MIA3: variants seen among roughly 807,000 people sequenced by gnomAD.
The protein encoded by MIA3 is transport and Golgi organization protein 1 homolog.
A neutral mutation model predicts 192.4 loss-of-function variants in MIA3; 90 were observed. The ratio of observed to expected loss-of-function variants is 0.47; its 90% CI spans 0.39 to 0.56. MIA3 has a LOEUF of 0.56. Among genes scored for constraint, MIA3 ranks in the 20% least tolerant of loss-of-function variants. MIA3 has a pLI of 0.00. For missense variants in MIA3, 2,123 were observed against 2,269.4 expected, an observed-to-expected ratio of 0.94 and a Z score of 1.31; for synonymous variants, 740 against 792.8, an observed-to-expected ratio of 0.93 and a Z score of 1.12.
At chr1:222,624,883 A>C in intron 3 of MIA3, 29 bp downstream of exon 3, 1 of 1,344,974 alleles carries the variant, frequency 7.4e-7, no homozygotes, top group South Asian at 1.2e-5. Flanking sequence ...TCTTGTTCTC[A>C]GTTATAAGTT....
At chr1:222,659,403 G>C (rs1195393859) in intron 19 of MIA3, 50 bp from the exon 20 acceptor site, 3 of 1,533,864 alleles carry the variant, frequency 2.0e-6, no homozygotes, top group Non-Finnish European at 2.7e-6. Flanking sequence ...AGATTGTTTG[G>C]GTTTTTATTC....
intron 27 of MIA3, chr1:222,664,901 G>A: frequency 2.1e-6 from 1 of 466,290 alleles, no homozygotes; most frequent in Non-Finnish European, 4.4e-6. Flanking sequence ...GGCAGGCCAG[G>A]CACAGTGGCT....
At chr1:222,652,759 A>G (rs1006827810) in intron 13 of MIA3, among the ~76,000 whole-genome samples, 1 of 152,206 alleles carries the variant, frequency 6.6e-6, no homozygotes, top group Non-Finnish European at 1.5e-5. Flanking sequence ...CTGGAAGTGA[A>G]TTATTTGAAT....
chr1:222,656,426 T>A (rs974250358), intron 18 of MIA3, among the ~76,000 whole-genome samples: 7 of 152,222 alleles, frequency 4.6e-5, no homozygotes, highest in Admixed American at 1.3e-4. Context: ...CCTCTAGTTT[T>A]AAAGTTTCTT....
chr1:222,638,248 T>C (rs924947673), intron 6 of MIA3, among the ~76,000 whole-genome samples: 16 of 152,190 alleles, frequency 1.1e-4, no homozygotes, highest in Admixed American at 2.0e-4. Flanking sequence ...ATGATTCAAG[T>C]AGTACAAAGT....
In MIA3 at chr1:222,645,565, A is replaced by T; in HGVS notation, c.3489A>T (p.Thr1163=). 6.2e-7 allele frequency: 1 copy of T among 1,610,554 alleles called. No individual in the cohort carries two copies. Among genetic ancestry groups the T allele is most frequent in the Non-Finnish European group, 8.5e-7 (1 of 1,178,172 alleles). The change falls in exon 7 of 28, where the codon ACA becomes ACT. Residue 1163 remains threonine, a synonymous_variant. Transcript: ENST00000344922. ...MFYLTKSLVA[T]LPDDVQPGPD... ...TTTCTAACATTCAGCTAGTTGCTAC[A>T]TTGCCTGATGATGTTCAGCCTGGGC... is the stretch of plus-strand genomic sequence containing the variant.
rs772820768 is a variant in MIA3, at chr1:222,621,163, A to G, written c.138A>G (p.Leu46=). 1 of 1,608,808 alleles carries G rather than the reference A, an allele frequency of 6.2e-7. No homozygotes were observed. The highest frequency in any genetic ancestry group is 1.1e-5 in the South Asian group (1 of 90,202). ...TTTCTCTCTCTTTATATACAGTGTT[A>G]ATGTACCGCGGTGAGGCTCTTGAAG... The part of the protein sequence containing the change: ...KLCADDECSM[L]MYRGEALEDF... The change falls in exon 2 of 28, where the codon TTA becomes TTG. Residue 46 remains leucine (L), a synonymous_variant. Coordinates refer to ENST00000344922, the MANE Select transcript of MIA3 (RefSeq NM_198551.4).
chr1:222,623,284 T>G (rs1661961015), intron 2 of MIA3, among the ~76,000 whole-genome samples: 1 of 151,066 alleles, frequency 6.6e-6, no homozygotes, highest in Admixed American at 6.6e-5. Flanking sequence ...TTTTTTTTGT[T>G]TTTTTTTTGG....
At chr1:222,641,748 C>T in intron 6 of MIA3, 1 of 559,396 alleles carries the variant, frequency 1.8e-6, no homozygotes, top group Non-Finnish European at 3.6e-6. Context: ...CATACTTGGT[C>T]TGTACCACTT....
At chr1:222,653,726 G>C (rs1663562146) in intron 15 of MIA3, among the ~76,000 whole-genome samples, 1 of 152,188 alleles carries the variant, frequency 6.6e-6, no homozygotes, top group Admixed American at 6.5e-5. Context: ...GTACTGAGGT[G>C]GTTGGAGGCA....
At position 222,635,453 on chromosome 1, in the gene MIA3, T is replaced by C. The variant is rs145246976; in HGVS notation, c.3477+2204T>C. On this transcript the variant is annotated intron_variant, in intron 6 of 27. Coordinates refer to ENST00000344922, the MANE Select transcript of MIA3 (RefSeq NM_198551.4). ...TTATAAGATGCCGACTTGAGAGGGA[T>C]TGTCAAAAGAGCATTTTGATGGCTA... Among the ~76,000 whole-genome samples the C allele has an allele frequency of 6.6e-5, 10 of 152,228 alleles. No individual in the cohort carries two copies. In the East Asian group the frequency reaches 1.9e-3, roughly 29 times the overall value.
intron 13 of MIA3, 53 bp from the exon 14 acceptor site, chr1:222,652,955 G>A: frequency 1.3e-6 from 2 of 1,572,042 alleles, no homozygotes; most frequent in Non-Finnish European, 1.7e-6. Context: ...TGGTCCTAAT[G>A]TCTCCAGTGC....
intron 18 of MIA3, among the ~76,000 whole-genome samples, chr1:222,657,759 C>G (rs1465075669): frequency 6.6e-6 from 1 of 152,210 alleles, no homozygotes; most frequent in African/African-American, 2.4e-5. Context: ...ATAGCCATAC[C>G]TTTATCTTAG....
At position 222,653,344 on chromosome 1, in the gene MIA3, G is replaced by A; in HGVS notation, c.4321+5G>A. On this transcript the variant is annotated splice_donor_5th_base_variant and intron_variant, in intron 15 of 27. Coordinates refer to ENST00000344922, the MANE Select transcript of MIA3 (RefSeq NM_198551.4). ...TAGCAAATGGAGAAGTGGGAGGTAA[G>A]ATCAGCCTCAAGGAGGATGGACCCC... The A allele has an allele frequency of 6.2e-7, 1 of 1,603,186 alleles. No homozygotes were observed. Among genetic ancestry groups the A allele is most frequent in the East Asian group, 2.2e-5 (1 of 44,830 alleles).
chr1:222,644,501 C>T (rs1244193124), intron 6 of MIA3: 39 of 1,550,498 alleles, frequency 2.5e-5, no homozygotes, highest in Middle Eastern at 3.3e-4. Context: ...GCCACTGTGC[C>T]TTCTATCGCC....
At chr1:222,624,700 T>C in intron 2 of MIA3, 68 bp from the exon 3 acceptor site, 2 of 768,702 alleles carry the variant, frequency 2.6e-6, no homozygotes, top group Admixed American at 2.0e-5. Flanking sequence ...GGTTTGCAGC[T>C]CTATCGTTCA....
At position 222,662,304 on chromosome 1, in the gene MIA3, C is replaced by T. The variant is rs745874096; in HGVS notation, c.5234C>T (p.Ser1745Phe). The T allele has an allele frequency of 1.2e-6, 2 of 1,613,846 alleles. No homozygotes were observed. Among genetic ancestry groups the T allele is most frequent in the Non-Finnish European group, 1.7e-6 (2 of 1,179,886 alleles). The change falls in exon 26 of 28, where the codon TCC (serine) becomes TTC (phenylalanine). Residue 1745 changes from serine to phenylalanine, a missense_variant. Physicochemically the swap from Ser to Phe is radical, Grantham distance 155. Coordinates refer to ENST00000344922, the MANE Select transcript of MIA3 (RefSeq NM_198551.4). ...TMMNSSSRGS[S>F]PTRVLDEGKV... The stretch of plus-strand genomic sequence containing the variant: ...ATGAACAGCAGCTCAAGAGGCTCTT[C>T]CCCTACCAGGGTACTCGATGAAGGC...
In MIA3 at chr1:222,618,257, A is replaced by G. The variant is rs1026920013; in HGVS notation, c.133+14A>G. On this transcript the variant is annotated intron_variant, in intron 1 of 27. Transcript: ENST00000344922. ...ACGAATGCAGCAGTGAGTGCGCTGG[A>G]GGGGCGGCTGGCCTCGGGGCGGCTG... 316 of 1,426,814 alleles carry G rather than the reference A, an allele frequency of 2.2e-4. No homozygotes were observed. The highest frequency in any genetic ancestry group is 1.2e-3 in the East Asian group (38 of 31,914). The allele number at this position is 1,426,814 out of a possible 1,614,324, so 88.4% of individuals were successfully genotyped here.
intron 2 of MIA3, among the ~76,000 whole-genome samples, chr1:222,624,454 C>T (rs891542035): frequency 6.6e-6 from 1 of 152,176 alleles, no homozygotes; most frequent in African/African-American, 2.4e-5. Context: ...TGCCATGCGA[C>T]GCTAATCATT....
Sources: allele counts gnomAD v4.1 joint callset (sites outside exome capture counted in the v4.1 genomes callset), GRCh38; gene constraint gnomAD v4.1.1; transcripts MANE v1.5; gene names NCBI Gene and HGNC (gene_info 2026-07-23, HGNC 2026-07-21).